The following MCPH1 variants were observed in gnomAD, a reference collection of about 807,000 sequenced individuals.
MCPH1 encodes microcephalin 1.
Under a neutral mutation model 84.5 loss-of-function variants are expected in MCPH1, and 104 were observed. That is an observed-to-expected ratio of 1.23 (90% CI 1.05 to 1.45). The LOEUF (loss-of-function observed/expected upper bound fraction) is 1.45, where lower values mean the gene tolerates loss of function less well. Among genes scored for constraint, MCPH1 ranks in the 40% most tolerant of loss-of-function variants. The pLI is 0.00. For synonymous variants in MCPH1, 514 were observed against 366.8 expected (o/e 1.40, Z -4.58); for missense variants, 1,498 against 1,005.7 (o/e 1.49, Z -6.62).
chr8:6,513,882 A>AT (rs750975456), intron 12 of MCPH1: 3 of 1,562,206 alleles, frequency 1.9e-6, no homozygotes, highest in Admixed American at 3.7e-5. Context: ...ATTTCATGTA[A>AT]TTTTTTCTTT....
intron 12 of MCPH1, among the ~76,000 whole-genome samples, chr8:6,564,237 A>G (rs1825945058): frequency 6.6e-6 from 1 of 152,186 alleles, no homozygotes; most frequent in South Asian, 2.1e-4. Context: ...TTGGCCTCCC[A>G]AAGTGCTGAG....
chr8:6,446,461 G>T, intron 8 of MCPH1: 1 of 985,090 alleles, frequency 1.0e-6, no homozygotes, highest in Non-Finnish European at 1.2e-6. Context: ...TTGAGTATAC[G>T]CTCCCCAAAA....
Position 6,490,789 on chromosome 8 carries a change from T to G in MCPH1, c.2137-9063T>G, listed in dbSNP as rs376628177. Among the ~76,000 whole-genome samples, 154 of 152,234 alleles carry G rather than the reference T, an allele frequency of 1.0e-3. 2 individuals are homozygous for G. Among genetic ancestry groups the G allele is most frequent in the African/African-American group, 3.7e-3 (152 of 41,560 alleles). Reference sequence around the variant, plus strand: ...GAGAATGAGAATTATGTAATGCGGTTTTGTCAGCTAGAGTAACAGCTTGCC... The same window carrying G: ...GAGAATGAGAATTATGTAATGCGGTGTTGTCAGCTAGAGTAACAGCTTGCC... On this transcript the variant is annotated intron_variant, in intron 11 of 13. Transcript: ENST00000344683.
chr8:6,488,284 C>G (rs979321863), intron 11 of MCPH1, among the ~76,000 whole-genome samples: 3 of 152,216 alleles, frequency 2.0e-5, no homozygotes, highest in African/African-American at 4.8e-5. Flanking sequence ...CTGTGCTTCC[C>G]AGGACCATAA....
chr8:6,499,822 T>C (rs760235013), intron 11 of MCPH1, 30 bp from the exon 12 acceptor site: 20 of 1,602,904 alleles, frequency 1.2e-5, no homozygotes, highest in South Asian at 5.5e-5. Flanking sequence ...AATAAATGTA[T>C]AATAAATCTG....
rs1484516021 is a variant in MCPH1, at chr8:6,648,266, CAGA to C, written c.*5220_*5222del. 6.6e-6 allele frequency: 1 copy of C among 152,220 alleles called. No individual in the cohort carries two copies. Among genetic ancestry groups the C allele is most frequent in the Non-Finnish European group, 1.5e-5 (1 of 68,094 alleles). The allele number at this position is 152,220 out of a possible 1,614,324, so 9.4% of individuals were successfully genotyped here. A position where few individuals can be genotyped will look rare whatever the true frequency, so the allele number is the denominator to read the frequency against. ...TAAGCTGTCAGACCTCCACAGTGGC[CAGA>C]AGGTTTTCCATACCTGAGCCTGCTT... On this transcript the variant is annotated 3_prime_UTR_variant, in exon 14 of 14. Coordinates refer to ENST00000344683, the MANE Select transcript of MCPH1 (RefSeq NM_024596.5).
At chr8:6,492,440 G>A (rs1397276016) in intron 11 of MCPH1, among the ~76,000 whole-genome samples, 2 of 151,450 alleles carry the variant, frequency 1.3e-5, no homozygotes, top group Non-Finnish European at 3.0e-5. Flanking sequence ...TCACTCTGAT[G>A]GTAGTTTCTT....
At chr8:6,639,510 A>T (rs1199905990) in intron 13 of MCPH1, among the ~76,000 whole-genome samples, 2 of 152,088 alleles carry the variant, frequency 1.3e-5, no homozygotes, top group African/African-American at 4.8e-5. Context: ...AAAAAATTTT[A>T]AAAGTAGCCT....
In MCPH1 at chr8:6,480,854, G is replaced by A. The variant is rs988591006; in HGVS notation, c.2114G>A (p.Cys705Tyr). The A allele has an allele frequency of 6.2e-7, 1 of 1,614,170 alleles. No homozygotes were observed. Among genetic ancestry groups the A allele is most frequent in the Non-Finnish European group, 8.5e-7 (1 of 1,180,042 alleles). The change falls in exon 11 of 14, where the codon TGC becomes TAC. Residue 705 changes from cysteine to tyrosine, a missense_variant. By Grantham distance (194) the Cys-to-Tyr change is radical. Coordinates refer to ENST00000344683, the MANE Select transcript of MCPH1 (RefSeq NM_024596.5). Reference sequence around the variant, plus strand: ...GTGCTGCTGGGAATTGCGCGTGGCTGCTGGGTTCTCTCTTATGATTGGGTA... The same window carrying A: ...GTGCTGCTGGGAATTGCGCGTGGCTACTGGGTTCTCTCTTATGATTGGGTA... The part of the protein sequence containing the change: ...LNVLLGIARG[C>Y]WVLSYDWVLW...
At chr8:6,608,357 T>C (rs1194505060) in intron 12 of MCPH1, among the ~76,000 whole-genome samples, 1 of 152,236 alleles carries the variant, frequency 6.6e-6, no homozygotes, top group East Asian at 1.9e-4. Flanking sequence ...TTGAGAATTG[T>C]AGCACTGTAT....
chr8:6,465,109 T>C (rs1317631925), intron 9 of MCPH1, among the ~76,000 whole-genome samples: 3 of 152,210 alleles, frequency 2.0e-5, no homozygotes, highest in Non-Finnish European at 4.4e-5. Flanking sequence ...AAGGTCTATC[T>C]TACTATCTGC....
chr8:6,611,300 GC>G (rs901443052), intron 12 of MCPH1, among the ~76,000 whole-genome samples: 1 of 152,126 alleles, frequency 6.6e-6, no homozygotes. Flanking sequence ...CCGCAAGCCT[GC>G]CCCCCTACCC....
chr8:6,522,223 C>T (rs540881058), intron 12 of MCPH1, among the ~76,000 whole-genome samples: 26 of 152,090 alleles, frequency 1.7e-4, no homozygotes, highest in East Asian at 3.9e-4. Context: ...GGCGTGGTGG[C>T]GGGCGCCTGT....
chr8:6,502,963 G>A lies in MCPH1; in HGVS notation c.2214+3034G>A. ...GATAAAGTTTACAGGCTCTAATCTG[G>A]AGCATGTGGGTCCCGTCAGCACCGA... On this transcript the variant is annotated intron_variant, in intron 12 of 13. Transcript: ENST00000344683. The A allele has an allele frequency of 6.3e-6, 6 of 950,132 alleles. No homozygotes were observed. The South Asian group carries it at 1.0e-4, about 16-fold the overall frequency. The allele number at this position is 950,132 out of a possible 1,614,324, so 58.9% of individuals were successfully genotyped here.
rs553376160 is a variant in MCPH1 at position 6,453,437 on chromosome 8, A to T, written c.1826-1706A>T. 2.4e-4 allele frequency among the ~76,000 whole-genome samples: 36 copies of T among 151,266 alleles called. No individual in the cohort carries two copies. The South Asian group carries it at 7.1e-3, about 30-fold the overall frequency. ...ATCAGTCTTTCTTAAGTTTTAAAAG[A>T]TTGTGTTGCATTTCTTAGAACTTTA... On this transcript the variant is annotated intron_variant, in intron 8 of 13. Transcript: ENST00000344683.
Position 6,444,540 on chromosome 8 carries a change from A to C in MCPH1, c.818A>C (p.Asn273Thr). 1.9e-6 allele frequency: 3 copies of C among 1,614,212 alleles called. No individual in the cohort carries two copies. The highest frequency in any genetic ancestry group is 2.5e-6 in the Non-Finnish European group (3 of 1,180,024). The change falls in exon 8 of 14, where the codon AAT becomes ACT. Residue 273 changes from asparagine (N) to threonine (T), a missense_variant. Asn to Thr is a moderately conservative substitution (Grantham distance 65, BLOSUM62 0). Transcript: ENST00000344683. The stretch of plus-strand genomic sequence containing the variant: ...TCTTCACTTGTATTGAAAGCAAATA[A>C]TATTCATTCATCACCATCTTTCACT... Reference protein sequence around the residue: ...CISSLVLKANNIHSSPSFTHL... With the variant: ...CISSLVLKANTIHSSPSFTHL...
intron 2 of MCPH1, among the ~76,000 whole-genome samples, chr8:6,413,846 C>G (rs990299533): frequency 6.6e-6 from 1 of 151,948 alleles, no homozygotes; most frequent in Non-Finnish European, 1.5e-5. Flanking sequence ...CCGCCACCTC[C>G]CGGGTTGAAG....
intron 12 of MCPH1, among the ~76,000 whole-genome samples, chr8:6,528,973 C>T (rs1293724100): frequency 2.0e-5 from 3 of 152,198 alleles, no homozygotes; most frequent in African/African-American, 4.8e-5. Context: ...ATTTGGCCTA[C>T]GTCTTCTTTG....
intron 12 of MCPH1, among the ~76,000 whole-genome samples, chr8:6,542,376 T>TTGTG (rs892046037): frequency 6.6e-6 from 1 of 151,708 alleles, no homozygotes; most frequent in African/African-American, 2.4e-5. Context: ...ATTCCAAAAC[T>TTGTG]TGTGTGTGTG....
Sources: allele counts gnomAD v4.1 joint callset (sites outside exome capture counted in the v4.1 genomes callset), GRCh38; gene constraint gnomAD v4.1.1; transcripts MANE v1.5; gene names NCBI Gene and HGNC (gene_info 2026-07-23, HGNC 2026-07-21).